MORC1: variants seen among roughly 807,000 people sequenced by gnomAD.
MORC1 encodes the protein MORC family CW-type zinc finger 1.
A neutral mutation model predicts 134.9 loss-of-function variants in MORC1; 59 were observed. That is an observed-to-expected ratio of 0.44 (90% CI 0.35 to 0.54). The LOEUF (loss-of-function observed/expected upper bound fraction) is 0.54, where lower values mean the gene tolerates loss of function less well. Ranked by LOEUF, MORC1 falls within the 20% of genes least tolerant of loss-of-function variation. The pLI is 0.00. For synonymous variants in MORC1, 395 were observed against 391.7 expected (o/e 1.01, Z -0.10); for missense variants, 947 against 1,134.5 (o/e 0.83, Z 2.37).
intron 17 of MORC1, 21 bp downstream of exon 17, chr3:109,027,730 G>T (rs750716099): frequency 1.9e-6 from 3 of 1,613,490 alleles, no homozygotes; most frequent in South Asian, 1.1e-5. Flanking sequence ...TAGAATTAGG[G>T]AGGAATTAAT....
chr3:109,014,958 T>C (rs1948782560), intron 17 of MORC1, among the ~76,000 whole-genome samples: 1 of 152,166 alleles, frequency 6.6e-6, no homozygotes, highest in Admixed American at 6.5e-5. Flanking sequence ...TAATCTCGGC[T>C]CACTGCAACC....
chr3:109,103,892 T>A lies in MORC1; in HGVS notation c.180A>T (p.Gly60=). Residue 60 remains glycine, a synonymous_variant, in exon 4 of 28, where the codon GGA becomes GGT. Transcript: ENST00000232603. ...FSVDNEKLQG[G]FMLCFLDDGC... ...CATCATCCAGGAAACACAACATGAA[T>A]CCCCCCTGCAGTTTTTCATTATCCA... 6.2e-7 allele frequency: 1 copy of A among 1,613,952 alleles called. No homozygotes were observed. The highest frequency in any genetic ancestry group is 8.5e-7 in the Non-Finnish European group (1 of 1,179,912).
chr3:109,038,979 T>C (rs1483104719), intron 14 of MORC1, among the ~76,000 whole-genome samples: 1 of 152,180 alleles, frequency 6.6e-6, no homozygotes, highest in African/African-American at 2.4e-5. Flanking sequence ...TGCAGTGGTG[T>C]GATCTTGGCT....
At chr3:109,115,562 A>C (rs932802316) in intron 1 of MORC1, among the ~76,000 whole-genome samples, 1 of 152,254 alleles carries the variant, frequency 6.6e-6, no homozygotes, top group African/African-American at 2.4e-5. Flanking sequence ...TATGCTTTAC[A>C]AAATCAGGAC....
At chr3:108,974,556 C>A (rs1041441738) in intron 24 of MORC1, among the ~76,000 whole-genome samples, 2 of 152,138 alleles carry the variant, frequency 1.3e-5, no homozygotes, top group Admixed American at 1.3e-4. Flanking sequence ...ACACGAAGCA[C>A]AAAATTATAG....
intron 14 of MORC1, among the ~76,000 whole-genome samples, chr3:109,038,943 GTC>G (rs1949445277): frequency 6.6e-6 from 1 of 152,138 alleles, no homozygotes; most frequent in African/African-American, 2.4e-5. Flanking sequence ...TTAAGACAGA[GTC>G]TCACTCCTTC....
chr3:109,118,065 C>G lies in MORC1; in HGVS notation c.-6G>C, dbSNP rs757710012. On this transcript the variant is annotated 5_prime_UTR_variant, in exon 1 of 28. Coordinates refer to ENST00000232603, the MANE Select transcript of MORC1 (RefSeq NM_014429.4). ...GCAGGGTACCTGTCGTCCATGCCCT[C>G]GAACACGACCCGCGCAACTCAAGGG... The G allele has an allele frequency of 3.3e-5, 53 of 1,606,848 alleles. 1 individual carries two copies. The Admixed American group carries it at 8.3e-4, about 25-fold the overall frequency.
At chr3:109,102,586 T>C (rs995389372) in intron 4 of MORC1, among the ~76,000 whole-genome samples, 2 of 152,222 alleles carry the variant, frequency 1.3e-5, no homozygotes, top group African/African-American at 2.4e-5. Flanking sequence ...ATCTTCCTTC[T>C]ACTTTATTAC....
At chr3:109,088,815 T>C (rs1238703903) in intron 8 of MORC1, among the ~76,000 whole-genome samples, 5 of 152,116 alleles carry the variant, frequency 3.3e-5, no homozygotes, top group Non-Finnish European at 5.9e-5. Context: ...ATATGGAACC[T>C]AAATGTCCAT....
intron 3 of MORC1, among the ~76,000 whole-genome samples, chr3:109,108,138 G>A (rs1292102526): frequency 6.6e-6 from 1 of 152,116 alleles, no homozygotes; most frequent in Non-Finnish European, 1.5e-5. Context: ...GCAATGAGCC[G>A]AGATGGTGCC....
At chr3:109,049,879 T>G (rs553189672) in intron 14 of MORC1, among the ~76,000 whole-genome samples, 41 of 152,312 alleles carry the variant, frequency 2.7e-4, no homozygotes, top group African/African-American at 9.9e-4. Flanking sequence ...TGATACACTT[T>G]AAAATACAAT....
At chr3:109,067,956 A>G (rs1950236135) in intron 9 of MORC1, among the ~76,000 whole-genome samples, 1 of 152,214 alleles carries the variant, frequency 6.6e-6, no homozygotes, top group Non-Finnish European at 1.5e-5. Context: ...CATATAATAA[A>G]GAGTTAATGT....
chr3:108,959,919 G>C (rs1295967828), intron 27 of MORC1, among the ~76,000 whole-genome samples: 5 of 152,166 alleles, frequency 3.3e-5, no homozygotes. Context: ...TGAGGCTTGG[G>C]TGGAAGAATG....
intron 3 of MORC1, among the ~76,000 whole-genome samples, chr3:109,108,823 C>T (rs1008393776): frequency 1.3e-5 from 2 of 151,754 alleles, no homozygotes; most frequent in African/African-American, 4.8e-5. Context: ...TGGTGTGAAC[C>T]TGGGAGGCAG....
At chr3:109,082,858 C>T (rs1362159172) in intron 8 of MORC1, among the ~76,000 whole-genome samples, 1 of 152,072 alleles carries the variant, frequency 6.6e-6, no homozygotes, top group Non-Finnish European at 1.5e-5. Context: ...GGTTAGAAAG[C>T]TTACTCAAAG....
chr3:109,040,476 G>GAA (rs1949506501), intron 14 of MORC1, among the ~76,000 whole-genome samples: 1 of 145,814 alleles, frequency 6.9e-6, no homozygotes, highest in Non-Finnish European at 1.5e-5. Flanking sequence ...AAGAAAGAAA[G>GAA]AAAGAAAGAA....
intron 8 of MORC1, among the ~76,000 whole-genome samples, chr3:109,090,949 A>G (rs1950708536): frequency 6.6e-6 from 1 of 152,114 alleles, no homozygotes; most frequent in Non-Finnish European, 1.5e-5. Context: ...AGAGGTTCAA[A>G]TATCAGAAGC....
At chr3:108,979,181 A>G (rs79985242) in intron 24 of MORC1, among the ~76,000 whole-genome samples, 3 of 152,172 alleles carry the variant, frequency 2.0e-5, no homozygotes, top group African/African-American at 7.2e-5. Flanking sequence ...CAAACCAAAA[A>G]AAACCCAGAG....
At chr3:109,102,544 G>A (rs1012461083) in intron 4 of MORC1, among the ~76,000 whole-genome samples, 7 of 152,082 alleles carry the variant, frequency 4.6e-5, no homozygotes, top group East Asian at 1.9e-4. Flanking sequence ...ATCTAGCTCC[G>A]TTTGAACAAC....
Sources: gnomAD v4.1 joint callset for allele counts (sites outside exome capture counted in the v4.1 genomes callset) on GRCh38, gnomAD v4.1.1 for gene constraint, MANE v1.5 for transcripts, NCBI Gene and HGNC (gene_info 2026-07-23, HGNC 2026-07-21) for gene names.